Variants in ENTREP2 observed in about 807,000 individuals in gnomAD.
ENTREP2 encodes endosomal transmembrane epsin interactor 2, also known as protein ENTREP2.
the ENTREP2 span, among the ~76,000 whole-genome samples, chr15:29,317,347 G>A: frequency 6.6e-6 from 1 of 152,152 alleles, no homozygotes; most frequent in Non-Finnish European, 1.5e-5. Context: ...AAAACACACA[G>A]TAATCAGATT....
At chr15:29,533,552 G>C in the ENTREP2 span, among the ~76,000 whole-genome samples, 1 of 152,136 alleles carries the variant, frequency 6.6e-6, no homozygotes, top group Non-Finnish European at 1.5e-5. Context: ...TTTCTTCATG[G>C]AGTACAAGAG....
At chr15:29,485,080 CAG>C in the ENTREP2 span, among the ~76,000 whole-genome samples, 1 of 152,150 alleles carries the variant, frequency 6.6e-6, no homozygotes, top group South Asian at 2.1e-4. Context: ...AGCAAAAAGG[CAG>C]AGTAGGCAGC....
the ENTREP2 span, among the ~76,000 whole-genome samples, chr15:29,291,143 C>T: frequency 6.6e-6 from 1 of 152,190 alleles, no homozygotes; most frequent in Non-Finnish European, 1.5e-5. Context: ...CTCATTACCT[C>T]CCTTCCCACA....
At chr15:29,584,484 C>T in the ENTREP2 span, among the ~76,000 whole-genome samples, 1 of 151,434 alleles carries the variant, frequency 6.6e-6, no homozygotes, top group African/African-American at 2.4e-5. Flanking sequence ...TATTATTCAG[C>T]CATAAAAAAG....
At chr15:29,269,944 T>C in the ENTREP2 span, 6 of 471,492 alleles carry the variant, frequency 1.3e-5, no homozygotes, top group Non-Finnish European at 2.2e-5. Context: ...CGGGCGATGA[T>C]TTTTAGTATA....
the ENTREP2 span, among the ~76,000 whole-genome samples, chr15:29,252,918 T>C: frequency 4.6e-5 from 7 of 152,318 alleles, no homozygotes; most frequent in Admixed American, 2.6e-4. Context: ...TGAAGGCACA[T>C]GTGTCCATCA....
chr15:29,229,851 C>T, the ENTREP2 span, among the ~76,000 whole-genome samples: 2 of 152,110 alleles, frequency 1.3e-5, no homozygotes, highest in African/African-American at 4.8e-5. Context: ...TATCTATAAA[C>T]TATCTTTATC....
At chr15:29,416,594 C>T in the ENTREP2 span, among the ~76,000 whole-genome samples, 1 of 152,132 alleles carries the variant, frequency 6.6e-6, no homozygotes, top group East Asian at 1.9e-4. Context: ...TGGGCAAAGA[C>T]TTCATGTCTA....
the ENTREP2 span, among the ~76,000 whole-genome samples, chr15:29,410,384 C>G: frequency 6.6e-6 from 1 of 152,058 alleles, no homozygotes; most frequent in Non-Finnish European, 1.5e-5. Context: ...AGGTCTCACT[C>G]CCCTGCAGGG....
the ENTREP2 span, among the ~76,000 whole-genome samples, chr15:29,478,040 T>TTC: frequency 7.3e-6 from 1 of 137,170 alleles, no homozygotes; most frequent in Non-Finnish European, 1.6e-5. Context: ...TTTTTTTTTT[T>TTC]CTGAGACGGA....
At chr15:29,285,171 A>G in the ENTREP2 span, among the ~76,000 whole-genome samples, 1 of 152,094 alleles carries the variant, frequency 6.6e-6, no homozygotes, top group East Asian at 1.9e-4. Context: ...GGGGCTCTTT[A>G]AGCTGTGGTT....
chr15:29,629,561 CTT>C, the ENTREP2 span, among the ~76,000 whole-genome samples: 1 of 152,126 alleles, frequency 6.6e-6, no homozygotes, highest in Non-Finnish European at 1.5e-5. Context: ...AGTGTAGAAA[CTT>C]TACTTCCCTT....
the ENTREP2 span, among the ~76,000 whole-genome samples, chr15:29,629,816 G>C: frequency 6.6e-6 from 1 of 151,780 alleles, no homozygotes; most frequent in African/African-American, 2.4e-5. Context: ...TTCTTTAGCT[G>C]TTCTTTAAAA....
At chr15:29,673,034 A>T in the ENTREP2 span, among the ~76,000 whole-genome samples, 2 of 152,142 alleles carry the variant, frequency 1.3e-5, no homozygotes, top group Non-Finnish European at 2.9e-5. Flanking sequence ...CAATTCCAGG[A>T]ACTGAAGGTT....
chr15:29,571,187 C>A, the ENTREP2 span, among the ~76,000 whole-genome samples: 85 of 151,976 alleles, frequency 5.6e-4, no homozygotes, highest in Middle Eastern at 3.4e-3. Flanking sequence ...TCCCAGCCTC[C>A]GCGCTCACGC....
the ENTREP2 span, among the ~76,000 whole-genome samples, chr15:29,185,225 C>T: frequency 6.6e-6 from 1 of 152,040 alleles, no homozygotes; most frequent in East Asian, 1.9e-4. Context: ...AACAATTGTG[C>T]TCCACTCCCC....
At chr15:29,427,427 A>G in the ENTREP2 span, among the ~76,000 whole-genome samples, 3 of 152,208 alleles carry the variant, frequency 2.0e-5, no homozygotes, top group African/African-American at 7.2e-5. Flanking sequence ...GCTTAAAACA[A>G]TACAAAATTA....
chr15:29,553,829 G>A, the ENTREP2 span, among the ~76,000 whole-genome samples: 2 of 152,248 alleles, frequency 1.3e-5, no homozygotes, highest in East Asian at 1.9e-4. Flanking sequence ...CCACCCTGTC[G>A]AGTCCTCAGA....
chr15:29,549,670 T>A, the ENTREP2 span, among the ~76,000 whole-genome samples: 2 of 152,172 alleles, frequency 1.3e-5, no homozygotes, highest in African/African-American at 4.8e-5. Context: ...CTAGTCCCAA[T>A]TCTTCTTCAC....
Sources: allele counts gnomAD v4.1 joint callset (sites outside exome capture counted in the v4.1 genomes callset), GRCh38; gene constraint gnomAD v4.1.1; transcripts MANE v1.5; gene names NCBI Gene and HGNC (gene_info 2026-07-23, HGNC 2026-07-21).